TAFA4: variants seen among roughly 807,000 people sequenced by gnomAD.
TAFA4 encodes the protein chemokine-like protein TAFA-4.
Under a neutral mutation model 21.1 loss-of-function variants are expected in TAFA4, and 20 were observed. That is an observed-to-expected ratio of 0.95 (90% CI 0.67 to 1.38). The LOEUF (loss-of-function observed/expected upper bound fraction) is 1.38, where lower values mean the gene tolerates loss of function less well. Among genes scored for constraint, TAFA4 ranks in the 40% most tolerant of loss-of-function variants. The probability of loss-of-function intolerance (pLI) is 0.00; values close to 1 mark genes in which losing one functional copy is unlikely to be tolerated. For synonymous variants in TAFA4, 71 were observed against 67.4 expected (o/e 1.05, Z -0.26); for missense variants, 211 against 180.9 (o/e 1.17, Z -0.95).
intron 3 of TAFA4, among the ~76,000 whole-genome samples, chr3:68,830,952 T>C (rs1704371029): frequency 1.3e-5 from 2 of 152,246 alleles, no homozygotes; most frequent in South Asian, 4.1e-4. Context: ...ATGGCCTTCT[T>C]TGTCTCTTCT....
At chr3:68,792,018 A>G (rs1445418936) in intron 3 of TAFA4, among the ~76,000 whole-genome samples, 1 of 152,216 alleles carries the variant, frequency 6.6e-6, no homozygotes, top group Non-Finnish European at 1.5e-5. Context: ...CAGAAAATTC[A>G]GAGGACTTTC....
chr3:68,915,334 A>G (rs2089993847), intron 1 of TAFA4, among the ~76,000 whole-genome samples: 1 of 152,226 alleles, frequency 6.6e-6, no homozygotes, highest in Non-Finnish European at 1.5e-5. Context: ...AGCAAACATT[A>G]TGAGTTAGTC....
chr3:68,920,190 G>T (rs915867490), intron 1 of TAFA4, among the ~76,000 whole-genome samples: 3 of 152,176 alleles, frequency 2.0e-5, no homozygotes, highest in African/African-American at 7.2e-5. Context: ...TGAGACCTGT[G>T]TATGTATAAA....
chr3:68,757,983 C>A (rs1438607757), intron 3 of TAFA4, among the ~76,000 whole-genome samples: 1 of 152,062 alleles, frequency 6.6e-6, no homozygotes, highest in Non-Finnish European at 1.5e-5. Context: ...GGGGTAGGTA[C>A]TGTTTTTTAC....
At chr3:68,811,985 A>C (rs1449024739) in intron 3 of TAFA4, among the ~76,000 whole-genome samples, 1 of 152,216 alleles carries the variant, frequency 6.6e-6, no homozygotes, top group South Asian at 2.1e-4. Flanking sequence ...CTCAGCAGAA[A>C]CTCTACAAGC....
intron 1 of TAFA4, among the ~76,000 whole-genome samples, chr3:68,927,720 G>C (rs1234535092): frequency 6.6e-6 from 1 of 151,902 alleles, no homozygotes; most frequent in Non-Finnish European, 1.5e-5. Flanking sequence ...GGAACATGCT[G>C]AGACTCTGTC....
intron 3 of TAFA4, among the ~76,000 whole-genome samples, chr3:68,862,823 G>T (rs1464686998): frequency 6.7e-6 from 1 of 150,238 alleles, no homozygotes; most frequent in East Asian, 2.0e-4. Context: ...TTACATCATG[G>T]CCTCATTCAG....
intron 3 of TAFA4, among the ~76,000 whole-genome samples, chr3:68,784,165 T>C (rs1235795438): frequency 6.6e-6 from 1 of 152,250 alleles, no homozygotes. Context: ...TAATTCTGAC[T>C]AGCAATTTTG....
At chr3:68,900,452 A>G (rs79486943) in intron 1 of TAFA4, among the ~76,000 whole-genome samples, 2,223 of 152,132 alleles carry the variant, frequency 0.015, 53 homozygotes, top group African/African-American at 0.051. Context: ...CCTTCTGTTC[A>G]GAGGCAAACA....
intron 1 of TAFA4, among the ~76,000 whole-genome samples, chr3:68,917,613 G>A (rs563394627): frequency 6.6e-6 from 1 of 152,074 alleles, no homozygotes; most frequent in South Asian, 2.1e-4. Flanking sequence ...AATTAGCCGG[G>A]CGTGGTGGCA....
chr3:68,855,596 T>G (rs1325629807), intron 3 of TAFA4, among the ~76,000 whole-genome samples: 1 of 152,006 alleles, frequency 6.6e-6, no homozygotes, highest in Non-Finnish European at 1.5e-5. Flanking sequence ...TAAGACAAAC[T>G]GATAAGTAGG....
chr3:68,801,386 T>C (rs1221232811), intron 3 of TAFA4, among the ~76,000 whole-genome samples: 1 of 152,174 alleles, frequency 6.6e-6, no homozygotes, highest in African/African-American at 2.4e-5. Flanking sequence ...GGGAAATATA[T>C]AGGTCCAGGT....
chr3:68,853,674 T>C (rs1322889635), intron 3 of TAFA4, among the ~76,000 whole-genome samples: 1 of 152,214 alleles, frequency 6.6e-6, no homozygotes, highest in Non-Finnish European at 1.5e-5. Flanking sequence ...TTCATTTCAA[T>C]GTAATAAATA....
At chr3:68,829,777 T>C (rs1353517590) in intron 3 of TAFA4, among the ~76,000 whole-genome samples, 1 of 152,230 alleles carries the variant, frequency 6.6e-6, no homozygotes, top group Non-Finnish European at 1.5e-5. Flanking sequence ...CTGGTCATCT[T>C]TGTACCTCTG....
chr3:68,782,888 T>TA (rs1368394223), intron 3 of TAFA4, among the ~76,000 whole-genome samples: 1 of 152,184 alleles, frequency 6.6e-6, no homozygotes, highest in Non-Finnish European at 1.5e-5. Context: ...AAAGTTGTTT[T>TA]AAAAATGTGT....
chr3:68,740,750 A>G (rs1702333794), intron 4 of TAFA4, among the ~76,000 whole-genome samples: 1 of 152,070 alleles, frequency 6.6e-6, no homozygotes, highest in African/African-American at 2.4e-5. Flanking sequence ...CTTTTTCCCT[A>G]TGTTTTCTTC....
chr3:68,741,293 ATTAATGTCTTACAGTTT>A (rs1702347116), intron 4 of TAFA4, among the ~76,000 whole-genome samples: 1 of 152,134 alleles, frequency 6.6e-6, no homozygotes, highest in Admixed American at 6.5e-5. Flanking sequence ...TGTTTCTTTC[ATTAATGTCTTACAGTTT>A]TTAGTGTACT....
intron 3 of TAFA4, among the ~76,000 whole-genome samples, chr3:68,879,322 C>T (rs1278641890): frequency 6.6e-6 from 1 of 152,142 alleles, no homozygotes; most frequent in Non-Finnish European, 1.5e-5. Flanking sequence ...AGTTCTCCAT[C>T]AGCTGAGCAC....
intron 3 of TAFA4, among the ~76,000 whole-genome samples, chr3:68,766,528 A>G (rs1280765283): frequency 6.7e-6 from 1 of 149,180 alleles, no homozygotes; most frequent in Non-Finnish European, 1.5e-5. Flanking sequence ...TAAATTTTTT[A>G]ATAGCTAAAA....
Sources: gnomAD v4.1 joint callset for allele counts (sites outside exome capture counted in the v4.1 genomes callset) on GRCh38, gnomAD v4.1.1 for gene constraint, MANE v1.5 for transcripts, NCBI Gene and HGNC (gene_info 2026-07-23, HGNC 2026-07-21) for gene names.